Variants in ZNF385D observed in about 807,000 individuals in gnomAD.
The protein encoded by ZNF385D is zinc finger protein 659.
A neutral mutation model predicts 35.8 loss-of-function variants in ZNF385D; 15 were observed. The observed-to-expected ratio is 0.42, with a 90% CI of 0.28 to 0.64. The LOEUF (loss-of-function observed/expected upper bound fraction) is 0.64. ZNF385D is among the 30% of genes least tolerant of loss of function. The probability of loss-of-function intolerance (pLI) is 0.23; values close to 1 mark genes in which losing one functional copy is unlikely to be tolerated. For synonymous variants in ZNF385D, 212 were observed against 186.8 expected, an observed-to-expected ratio of 1.13 and a Z score of -1.10; for missense variants, 474 against 494.6, an observed-to-expected ratio of 0.96 and a Z score of 0.39.
At chr3:22,161,364 T>C (rs975717279) in intron 3 of ZNF385D, among the ~76,000 whole-genome samples, 3 of 152,086 alleles carry the variant, frequency 2.0e-5, no homozygotes, top group African/African-American at 7.2e-5. Context: ...TTTACATTAA[T>C]ACATTTGTAT....
At chr3:21,922,158 TA>T (rs34072932) in intron 3 of ZNF385D, among the ~76,000 whole-genome samples, 42,125 of 151,784 alleles carry the variant, frequency 0.28, 6,779 homozygotes, top group Admixed American at 0.43. Context: ...AATGGAAAAA[TA>T]GTCCATGCTC....
At chr3:22,172,974 C>T (rs1442898674) in intron 2 of ZNF385D, among the ~76,000 whole-genome samples, 1 of 152,174 alleles carries the variant, frequency 6.6e-6, no homozygotes, top group Non-Finnish European at 1.5e-5. Context: ...AGAAACCTGA[C>T]AAATAATACT....
At chr3:21,511,248 G>A (rs1030887628) in intron 3 of ZNF385D, among the ~76,000 whole-genome samples, 17 of 152,074 alleles carry the variant, frequency 1.1e-4, no homozygotes, top group Non-Finnish European at 2.2e-4. Context: ...TTTATCTTAA[G>A]AGAAATGTAG....
intron 3 of ZNF385D, among the ~76,000 whole-genome samples, chr3:22,159,652 T>A (rs531977236): frequency 6.6e-6 from 1 of 152,058 alleles, no homozygotes; most frequent in Non-Finnish European, 1.5e-5. Context: ...TGAAAAAAAT[T>A]GGTAACAAAA....
chr3:21,782,056 C>T (rs1243208087), intron 3 of ZNF385D, among the ~76,000 whole-genome samples: 1 of 152,190 alleles, frequency 6.6e-6, no homozygotes, highest in Middle Eastern at 3.4e-3. Flanking sequence ...TTTGTTCCTC[C>T]TCTGTGGAAA....
chr3:22,194,740 A>G lies in ZNF385D; in HGVS notation c.107-25705T>C, dbSNP rs1033735307. Among the ~76,000 whole-genome samples, 7 of 151,918 alleles carry G rather than the reference A, an allele frequency of 4.6e-5. No homozygotes were observed. The South Asian group carries it at 1.4e-3, about 31-fold the overall frequency. On this transcript the variant is annotated intron_variant, in intron 2 of 5. Coordinates refer to the ZNF385D transcript ENST00000494108. ...TTTTTCTTTTCAAGAATGTAGGTAG[A>G]ATAAAAAAGTGTGTGCCCCTTTGAG...
chr3:21,839,441 A>G (rs953335421), intron 3 of ZNF385D, among the ~76,000 whole-genome samples: 1 of 152,090 alleles, frequency 6.6e-6, no homozygotes, highest in African/African-American at 2.4e-5. Flanking sequence ...TCTTCTCTAA[A>G]ATCTCTCACT....
upstream of ZNF385D, chr3:21,751,343 G>T: frequency 9.5e-7 from 1 of 1,052,704 alleles, no homozygotes; most frequent in Non-Finnish European, 1.1e-6. Flanking sequence ...CAGAGACTTG[G>T]GAAGGGGCGG....
intron 3 of ZNF385D, among the ~76,000 whole-genome samples, chr3:22,035,869 A>T (rs1367201562): frequency 6.6e-6 from 1 of 152,190 alleles, no homozygotes; most frequent in African/African-American, 2.4e-5. Context: ...CAGGCAGTGG[A>T]AACACGTAGT....
chr3:21,574,098 G>T (rs2063420374), intron 2 of ZNF385D, among the ~76,000 whole-genome samples: 1 of 147,000 alleles, frequency 6.8e-6, no homozygotes. Flanking sequence ...GTGAAAGAAA[G>T]AAAGAATGTA....
At chr3:21,480,762 A>G (rs1242442759) in intron 4 of ZNF385D, among the ~76,000 whole-genome samples, 4 of 152,196 alleles carry the variant, frequency 2.6e-5, no homozygotes, top group Non-Finnish European at 5.9e-5. Flanking sequence ...ATCTATTTTA[A>G]TTCAGAGAAT....
rs181938131 is a variant in ZNF385D, at chr3:21,798,943, T to C, written c.326-133915A>G. Among the ~76,000 whole-genome samples, 6 of 152,320 alleles carry C rather than the reference T, an allele frequency of 3.9e-5. No homozygotes were observed. In the East Asian group the frequency reaches 1.2e-3, roughly 29 times the overall value. The stretch of plus-strand genomic sequence containing the variant: ...CCTCAAAAGAAAATCCCATGCCCAG[T>C]AAGCAGACACTCTCCATTACCTCTC... On this transcript the variant is annotated intron_variant, in intron 3 of 5. Coordinates refer to the ZNF385D transcript ENST00000494108.
intron 2 of ZNF385D, among the ~76,000 whole-genome samples, chr3:22,170,059 A>G (rs1173937089): frequency 2.6e-5 from 4 of 152,214 alleles, no homozygotes; most frequent in Non-Finnish European, 4.4e-5. Flanking sequence ...AGTTTTCTCT[A>G]CTTCCACTAC....
intron 5 of ZNF385D, among the ~76,000 whole-genome samples, chr3:21,427,015 G>A (rs572071918): frequency 1.3e-5 from 2 of 151,998 alleles, no homozygotes; most frequent in African/African-American, 2.4e-5. Flanking sequence ...TCAATATCTC[G>A]CAGGAAGATA....
chr3:21,910,047 G>A (rs1699886356), intron 3 of ZNF385D, among the ~76,000 whole-genome samples: 2 of 151,364 alleles, frequency 1.3e-5, no homozygotes, highest in African/African-American at 2.4e-5. Context: ...TTCAAAGTAT[G>A]TATAGTCCCA....
intron 3 of ZNF385D, among the ~76,000 whole-genome samples, chr3:21,940,583 A>T (rs1276392669): frequency 1.3e-5 from 2 of 152,168 alleles, no homozygotes; most frequent in Non-Finnish European, 2.9e-5. Context: ...AACAGAACAA[A>T]CCTAGTCTAT....
intron 1 of ZNF385D, among the ~76,000 whole-genome samples, chr3:21,727,908 C>A (rs1002329519): frequency 6.6e-6 from 1 of 152,120 alleles, no homozygotes; most frequent in African/African-American, 2.4e-5. Flanking sequence ...AGACTTGGAA[C>A]CAACCCAAAT....
rs763495962 is a variant in ZNF385D, at chr3:21,421,210, G to T, written c.*4C>A. The T allele has an allele frequency of 6.2e-7, 1 of 1,611,854 alleles. No individual in the cohort carries two copies. Among genetic ancestry groups the T allele is most frequent in the Admixed American group, 1.7e-5 (1 of 59,854 alleles). ...ATTGCAGTACAATTACTCCTATTTGGAATTTAGTAAGGAGCAAACAGCACA... is the reference window on the plus strand; with the variant it reads ...ATTGCAGTACAATTACTCCTATTTGTAATTTAGTAAGGAGCAAACAGCACA... On this transcript the variant is annotated 3_prime_UTR_variant, in exon 8 of 8. Transcript: ENST00000281523.
chr3:21,581,460 A>G (rs1010942499), intron 2 of ZNF385D, among the ~76,000 whole-genome samples: 3 of 152,060 alleles, frequency 2.0e-5, no homozygotes, highest in African/African-American at 4.8e-5. Context: ...ATTCTCCCCA[A>G]CCTAAATTGC....
Sources: gnomAD v4.1 joint callset for allele counts (sites outside exome capture counted in the v4.1 genomes callset) on GRCh38, gnomAD v4.1.1 for gene constraint, MANE v1.5 for transcripts, NCBI Gene and HGNC (gene_info 2026-07-23, HGNC 2026-07-21) for gene names.